ERC2: variants seen among roughly 807,000 people sequenced by gnomAD.
ERC2 encodes the protein ERC protein 2.
A neutral mutation model predicts 114.8 loss-of-function variants in ERC2; 42 were observed. That is an observed-to-expected ratio of 0.37 (90% CI 0.29 to 0.47). The LOEUF is 0.47. Ranked by LOEUF, ERC2 falls within the 20% of genes least tolerant of loss-of-function variation. The probability of loss-of-function intolerance (pLI) is 0.99; values close to 1 mark genes in which losing one functional copy is unlikely to be tolerated. For missense variants in ERC2, 939 were observed against 1,150.7 expected (o/e 0.82, Z 2.66); for synonymous variants, 454 against 425.5 (o/e 1.07, Z -0.82).
At chr3:55,579,684 G>A (rs999671426) in intron 17 of ERC2, among the ~76,000 whole-genome samples, 3 of 152,234 alleles carry the variant, frequency 2.0e-5, no homozygotes, top group Non-Finnish European at 2.9e-5. Flanking sequence ...GCTGCAGCTG[G>A]TGTGCACGGC....
intron 2 of ERC2, among the ~76,000 whole-genome samples, chr3:56,377,690 G>T (rs78079817): frequency 6.6e-6 from 1 of 152,158 alleles, no homozygotes; most frequent in Admixed American, 6.5e-5. Flanking sequence ...AGATTCTTTG[G>T]ATTGTGCGGT....
intron 17 of ERC2, among the ~76,000 whole-genome samples, chr3:55,537,807 C>T (rs2054097830): frequency 6.6e-6 from 1 of 152,168 alleles, no homozygotes. Context: ...ACATCTTTCC[C>T]TTTTGAAAAA....
chr3:56,191,159 G>A (rs531803110), intron 3 of ERC2, among the ~76,000 whole-genome samples: 1 of 152,304 alleles, frequency 6.6e-6, no homozygotes, highest in East Asian at 1.9e-4. Context: ...GGAGGCCCTG[G>A]AAGAGACCTT....
At chr3:55,583,383 TTTCTTTCCTTCC>T (rs201051544) in intron 17 of ERC2, among the ~76,000 whole-genome samples, 1,771 of 126,420 alleles carry the variant, frequency 0.014, 57 homozygotes, top group African/African-American at 0.052. Context: ...TCTTTCCTTC[TTTCTTTCCTTCC>T]TTCTTTCCTT....
chr3:56,424,581 C>G (rs138394048), intron 2 of ERC2, among the ~76,000 whole-genome samples: 1 of 152,190 alleles, frequency 6.6e-6, no homozygotes, highest in Non-Finnish European at 1.5e-5. Context: ...TTCTAGCAAA[C>G]AAAGAAACCA....
At chr3:55,560,376 G>A (rs1413210675) in intron 17 of ERC2, among the ~76,000 whole-genome samples, 1 of 152,190 alleles carries the variant, frequency 6.6e-6, no homozygotes, top group Non-Finnish European at 1.5e-5. Context: ...CAGTACTATT[G>A]ACATTTTAAG....
intron 10 of ERC2, among the ~76,000 whole-genome samples, chr3:56,004,465 T>C (rs1254768630): frequency 6.6e-6 from 1 of 152,078 alleles, no homozygotes; most frequent in African/African-American, 2.4e-5. Context: ...CCTATAACCA[T>C]TTGTCATCAC....
intron 1 of ERC2, among the ~76,000 whole-genome samples, chr3:56,459,050 A>C (rs1319761408): frequency 6.6e-6 from 1 of 152,118 alleles, no homozygotes. Flanking sequence ...GGACCGCCCT[A>C]ACCTCACATC....
Position 56,183,360 on chromosome 3 carries a change from C to T in ERC2, c.1075-9840G>A, listed in dbSNP as rs1361790963. Among the ~76,000 whole-genome samples the T allele has an allele frequency of 2.0e-5, 3 of 152,196 alleles. No individual in the cohort carries two copies. The East Asian group carries it at 5.8e-4, about 29-fold the overall frequency. Reference sequence around the variant, plus strand: ...CCTCTCCACTTACTAGGTGCATGACCTTGGGCAAGTTACTGGATTTTCTCT... The same window carrying T: ...CCTCTCCACTTACTAGGTGCATGACTTTGGGCAAGTTACTGGATTTTCTCT... On this transcript the variant is annotated intron_variant, in intron 3 of 17. Coordinates refer to ENST00000288221, the MANE Select transcript of ERC2 (RefSeq NM_015576.3).
intron 3 of ERC2, among the ~76,000 whole-genome samples, chr3:56,227,183 A>C (rs888411109): frequency 7.2e-5 from 11 of 152,134 alleles, no homozygotes; most frequent in Non-Finnish European, 1.6e-4. Flanking sequence ...CTCCATTCTT[A>C]ATGTTAAATA....
intron 14 of ERC2, among the ~76,000 whole-genome samples, chr3:55,761,183 T>A (rs1000754053): frequency 1.3e-5 from 2 of 152,224 alleles, no homozygotes; most frequent in Non-Finnish European, 2.9e-5. Context: ...ACCATCATCA[T>A]TGTTATTACT....
intron 15 of ERC2, among the ~76,000 whole-genome samples, chr3:55,728,714 G>C (rs1189294226): frequency 6.6e-6 from 1 of 152,198 alleles, no homozygotes; most frequent in Non-Finnish European, 1.5e-5. Flanking sequence ...CCTAGGCACA[G>C]GCAACCCCCA....
intron 14 of ERC2, among the ~76,000 whole-genome samples, chr3:55,786,709 C>A (rs1186680044): frequency 3.3e-5 from 5 of 152,184 alleles, no homozygotes; most frequent in Non-Finnish European, 5.9e-5. Context: ...AGGTTCTTGA[C>A]TGCATTGCCA....
intron 2 of ERC2, among the ~76,000 whole-genome samples, chr3:56,309,573 T>C (rs1411811417): frequency 3.3e-5 from 5 of 150,770 alleles, no homozygotes; most frequent in South Asian, 2.1e-4. Flanking sequence ...TGGTGAAGAG[T>C]TGAGTTTTGA....
chr3:56,341,470 G>A (rs548582440), intron 2 of ERC2, among the ~76,000 whole-genome samples: 2 of 152,184 alleles, frequency 1.3e-5, no homozygotes, highest in Non-Finnish European at 2.9e-5. Context: ...GTTAGCATGA[G>A]AGACAGAACT....
At chr3:56,249,301 G>A (rs1318110157) in intron 3 of ERC2, among the ~76,000 whole-genome samples, 3 of 151,922 alleles carry the variant, frequency 2.0e-5, no homozygotes, top group Non-Finnish European at 4.4e-5. Context: ...GTCCTTGCTG[G>A]GCCACTTACA....
intron 17 of ERC2, among the ~76,000 whole-genome samples, chr3:55,669,694 T>C (rs2061484219): frequency 6.6e-6 from 1 of 152,226 alleles, no homozygotes; most frequent in African/African-American, 2.4e-5. Context: ...TGCAGGCATA[T>C]ATTTTTTATT....
intron 14 of ERC2, among the ~76,000 whole-genome samples, chr3:55,863,785 T>C (rs940168804): frequency 2.6e-5 from 4 of 152,108 alleles, no homozygotes; most frequent in African/African-American, 9.7e-5. Context: ...AATTAATATA[T>C]AAATTATTAC....
intron 17 of ERC2, among the ~76,000 whole-genome samples, chr3:55,655,654 G>A (rs1308138511): frequency 6.6e-6 from 1 of 152,068 alleles, no homozygotes; most frequent in South Asian, 2.1e-4. Context: ...ATAGTTGCTG[G>A]GTCAGCCAGG....
Sources: gnomAD v4.1 joint callset for allele counts (sites outside exome capture counted in the v4.1 genomes callset) on GRCh38, gnomAD v4.1.1 for gene constraint, MANE v1.5 for transcripts, NCBI Gene and HGNC (gene_info 2026-07-23, HGNC 2026-07-21) for gene names.